FHIT: variants seen among roughly 807,000 people sequenced by gnomAD.
FHIT encodes bis(5'-adenosyl)-triphosphatase.
FHIT carries 19 observed loss-of-function variants against 17.9 expected under a neutral mutation model. The ratio of observed to expected loss-of-function variants is 1.06; its 90% CI spans 0.74 to 1.56. The LOEUF (loss-of-function observed/expected upper bound fraction) is 1.56. FHIT is among the 40% of genes most tolerant of loss of function. The pLI is 0.00. For synonymous variants in FHIT, 81 were observed against 69.7 expected (o/e 1.16, Z -0.81); for missense variants, 248 against 189.2 (o/e 1.31, Z -1.82).
chr3:61,090,464 G>A lies in FHIT; in HGVS notation c.-163-48365C>T, dbSNP rs572197727. 7.7e-4 allele frequency among the ~76,000 whole-genome samples: 117 copies of A among 152,290 alleles called. 1 individual carries two copies. The highest frequency in any genetic ancestry group is 2.6e-3 in the African/African-American group (110 of 41,564). On this transcript the variant is annotated intron_variant, in intron 2 of 9. Transcript: ENST00000492590. ...TCTGAAATGATATAGAATTTGAACG[G>A]ATTTCTAGTCTCACAGGGATTTATA...
intron 2 of FHIT, among the ~76,000 whole-genome samples, chr3:61,179,707 C>G (rs75893486): frequency 1.4e-4 from 4 of 28,984 alleles, no homozygotes; most frequent in Admixed American, 4.1e-4. Context: ...GACCCTATCT[C>G]AAAAAAAAAA....
intron 4 of FHIT, among the ~76,000 whole-genome samples, chr3:60,558,839 A>G (rs1384815737): frequency 1.3e-5 from 2 of 152,174 alleles, no homozygotes; most frequent in Admixed American, 1.3e-4. Context: ...CCTATTGCTC[A>G]TTTCACTTTT....
At chr3:60,813,864 A>AT (rs1214907395) in intron 4 of FHIT, among the ~76,000 whole-genome samples, 1 of 152,044 alleles carries the variant, frequency 6.6e-6, no homozygotes, top group Non-Finnish European at 1.5e-5. Context: ...CTCTGATAAT[A>AT]TTTTTTGTCT....
At chr3:60,261,908 A>T (rs1336254646) in intron 5 of FHIT, among the ~76,000 whole-genome samples, 1 of 152,028 alleles carries the variant, frequency 6.6e-6, no homozygotes, top group African/African-American at 2.4e-5. Flanking sequence ...GACACAGAAG[A>T]ATCTGAACAA....
In FHIT at chr3:59,883,089, A is replaced by G. The variant is rs150276567; in HGVS notation, c.348+39257T>C. The stretch of plus-strand genomic sequence containing the variant: ...ATGTGTGAGAGCTGGTTTGTACCAG[A>G]TCACAAGAGCTGTTTGTATAATTTT... On this transcript the variant is annotated intron_variant, in intron 8 of 9. Transcript: ENST00000492590. Among the ~76,000 whole-genome samples the G allele has an allele frequency of 3.2e-3, 480 of 152,316 alleles. 8 individuals are homozygous for G. Among genetic ancestry groups the G allele is most frequent in the Non-Finnish European group, 9.8e-4 (67 of 68,024 alleles).
chr3:60,323,601 CATCTGTGTTG>C (rs1709532294), intron 5 of FHIT, among the ~76,000 whole-genome samples: 1 of 152,188 alleles, frequency 6.6e-6, no homozygotes, highest in Admixed American at 6.5e-5. Flanking sequence ...AGCAGATCCC[CATCTGTGTTG>C]ATCTTCATGA....
chr3:60,167,782 C>G (rs764884169), intron 5 of FHIT, among the ~76,000 whole-genome samples: 1 of 152,116 alleles, frequency 6.6e-6, no homozygotes, highest in Non-Finnish European at 1.5e-5. Context: ...TGCCTGTAAT[C>G]CCAGCACTTT....
At chr3:60,204,420 T>A (rs185864834) in intron 5 of FHIT, among the ~76,000 whole-genome samples, 65 of 150,144 alleles carry the variant, frequency 4.3e-4, no homozygotes, top group African/African-American at 1.5e-3. Context: ...CAAGCACGCA[T>A]CACCATGCCC....
intron 5 of FHIT, among the ~76,000 whole-genome samples, chr3:60,186,017 A>C (rs1416159657): frequency 6.6e-6 from 1 of 152,050 alleles, no homozygotes; most frequent in South Asian, 2.1e-4. Flanking sequence ...CTTACTGTTG[A>C]GTTGTAAGGG....
At chr3:60,299,782 A>AT (rs773970895) in intron 5 of FHIT, among the ~76,000 whole-genome samples, 2 of 152,104 alleles carry the variant, frequency 1.3e-5, no homozygotes, top group Non-Finnish European at 2.9e-5. Flanking sequence ...GGCTCATTAC[A>AT]TCCCAGTGAC....
At chr3:60,063,148 GAGAAGGTGGAGAGA>G (rs1702361616) in intron 5 of FHIT, among the ~76,000 whole-genome samples, 1 of 152,160 alleles carries the variant, frequency 6.6e-6, no homozygotes, top group Non-Finnish European at 1.5e-5. Context: ...AAAATTCACA[GAGAAGGTGGAGAGA>G]ACTTTAACTT....
At chr3:60,448,459 T>C (rs529473511) in intron 5 of FHIT, among the ~76,000 whole-genome samples, 16 of 152,338 alleles carry the variant, frequency 1.1e-4, no homozygotes, top group African/African-American at 3.6e-4. Flanking sequence ...TGGTAGGCAC[T>C]GTGCCAAGGA....
chr3:60,315,379 T>C (rs1709119246), intron 5 of FHIT, among the ~76,000 whole-genome samples: 1 of 152,162 alleles, frequency 6.6e-6, no homozygotes, highest in African/African-American at 2.4e-5. Context: ...AACCACCACC[T>C]AGGTCATAAG....
intron 5 of FHIT, among the ~76,000 whole-genome samples, chr3:60,104,312 G>C (rs929638818): frequency 6.6e-6 from 1 of 152,040 alleles, no homozygotes. Flanking sequence ...AACCTGCTTG[G>C]TATAAAGAAT....
chr3:59,969,744 G>C (rs921672828), intron 7 of FHIT, among the ~76,000 whole-genome samples: 3 of 151,898 alleles, frequency 2.0e-5, no homozygotes, highest in African/African-American at 7.3e-5. Context: ...CTTTAGTACA[G>C]CTTCATCATC....
chr3:60,272,482 T>C (rs978233132), intron 5 of FHIT, among the ~76,000 whole-genome samples: 1 of 152,160 alleles, frequency 6.6e-6, no homozygotes, highest in African/African-American at 2.4e-5. Context: ...ACAGGGTATC[T>C]TCAGGAAGCA....
At chr3:60,809,745 C>T (rs545280527) in intron 4 of FHIT, among the ~76,000 whole-genome samples, 380 of 152,140 alleles carry the variant, frequency 2.5e-3, no homozygotes, top group Non-Finnish European at 3.1e-3. Flanking sequence ...TTGTATAAGC[C>T]TTTAGAAAAC....
chr3:60,887,814 C>T (rs782221236), intron 3 of FHIT, among the ~76,000 whole-genome samples: 1 of 152,000 alleles, frequency 6.6e-6, no homozygotes, highest in African/African-American at 2.4e-5. Flanking sequence ...CAAGCAAAGA[C>T]TATTTAAAAA....
At chr3:61,012,448 C>T (rs563072478) in intron 3 of FHIT, among the ~76,000 whole-genome samples, 5 of 152,012 alleles carry the variant, frequency 3.3e-5, no homozygotes, top group African/African-American at 4.8e-5. Flanking sequence ...ATAAAACTGG[C>T]AAGAAGTTTT....
Sources: gnomAD v4.1 joint callset for allele counts (sites outside exome capture counted in the v4.1 genomes callset) on GRCh38, gnomAD v4.1.1 for gene constraint, MANE v1.5 for transcripts, NCBI Gene and HGNC (gene_info 2026-07-23, HGNC 2026-07-21) for gene names.